The following NEGR1 variants were observed in gnomAD, a reference collection of about 807,000 sequenced individuals.
NEGR1 encodes neuronal growth regulator 1, also known as IgLON family member 4.
A neutral mutation model predicts 40.9 loss-of-function variants in NEGR1; 10 were observed. The ratio of observed to expected loss-of-function variants is 0.24; its 90% CI spans 0.15 to 0.42. NEGR1 has a LOEUF of 0.42. Among genes scored for constraint, NEGR1 ranks in the 10% least tolerant of loss-of-function variants. NEGR1 has a pLI of 1.00. For missense variants in NEGR1, 352 were observed against 438.9 expected (o/e 0.80, Z 1.77); for synonymous variants, 185 against 166.8 (o/e 1.11, Z -0.84).
At chr1:71,847,003 C>T (rs1290849103) in intron 2 of NEGR1, among the ~76,000 whole-genome samples, 1 of 152,172 alleles carries the variant, frequency 6.6e-6, no homozygotes, top group Admixed American at 6.5e-5. Flanking sequence ...ATGTTTTCTT[C>T]TCCCACAGTA....
intron 1 of NEGR1, among the ~76,000 whole-genome samples, chr1:72,148,097 C>T (rs1337421343): frequency 6.6e-6 from 1 of 152,026 alleles, no homozygotes; most frequent in Non-Finnish European, 1.5e-5. Context: ...GGCTGTACCA[C>T]AGTAGAGACT....
chr1:72,140,124 GA>G (rs1215519545), intron 1 of NEGR1, among the ~76,000 whole-genome samples: 1 of 152,050 alleles, frequency 6.6e-6, no homozygotes, highest in Non-Finnish European at 1.5e-5. Context: ...GAAACTGGTT[GA>G]AGAGGCTGGA....
chr1:72,096,295 T>A (rs1648694119), intron 1 of NEGR1, among the ~76,000 whole-genome samples: 1 of 152,160 alleles, frequency 6.6e-6, no homozygotes, highest in Non-Finnish European at 1.5e-5. Context: ...AAACCAAAAT[T>A]TGCGCAGAGA....
intron 6 of NEGR1, among the ~76,000 whole-genome samples, chr1:71,544,656 T>G (rs928316683): frequency 6.6e-6 from 1 of 151,698 alleles, no homozygotes; most frequent in Non-Finnish European, 1.5e-5. Context: ...TATATACACT[T>G]TAAGTATTAG....
intron 1 of NEGR1, among the ~76,000 whole-genome samples, chr1:72,170,670 A>C (rs12072319): frequency 3.2e-4 from 49 of 152,326 alleles, no homozygotes; most frequent in African/African-American, 1.2e-3. Context: ...TAGCTGAAAC[A>C]ACCAAGTTTG....
At chr1:71,483,856 A>G (rs1157638182) in intron 6 of NEGR1, among the ~76,000 whole-genome samples, 1 of 151,834 alleles carries the variant, frequency 6.6e-6, no homozygotes, top group Non-Finnish European at 1.5e-5. Flanking sequence ...AGCATTTAAC[A>G]GTAATTTCTA....
chr1:72,017,529 A>C (rs2100414256), intron 1 of NEGR1, among the ~76,000 whole-genome samples: 1 of 152,194 alleles, frequency 6.6e-6, no homozygotes, highest in African/African-American at 2.4e-5. Context: ...GTTTGTACAA[A>C]ACTCAAATGA....
intron 3 of NEGR1, among the ~76,000 whole-genome samples, chr1:71,732,212 G>A (rs1259615136): frequency 6.6e-6 from 1 of 152,066 alleles, no homozygotes; most frequent in Admixed American, 6.6e-5. Context: ...GAGGACTGAG[G>A]TGGGAGAATC....
chr1:71,688,406 G>GAT (rs376293699), intron 4 of NEGR1, among the ~76,000 whole-genome samples: 4 of 4,232 alleles, frequency 9.5e-4, no homozygotes, highest in Non-Finnish European at 1.7e-3. Flanking sequence ...ATATATATAA[G>GAT]ATATATATAA....
intron 1 of NEGR1, chr1:72,274,947 G>A (rs575111718): frequency 9.7e-5 from 149 of 1,530,776 alleles, no homozygotes; most frequent in South Asian, 2.1e-4. Context: ...TCTCCTTTGC[G>A]CACGATGTAG....
At chr1:72,270,716 C>T (rs142513337) in intron 1 of NEGR1, among the ~76,000 whole-genome samples, 112 of 151,942 alleles carry the variant, frequency 7.4e-4, no homozygotes, top group Non-Finnish European at 1.5e-3. Context: ...CTTATGTCCT[C>T]AATGTTTCAT....
intron 1 of NEGR1, among the ~76,000 whole-genome samples, chr1:72,088,256 G>T (rs553864722): frequency 1.3e-5 from 2 of 152,186 alleles, no homozygotes; most frequent in Admixed American, 1.3e-4. Context: ...TTGTTAGAAA[G>T]GCAAAGTGTC....
chr1:71,418,314 A>ATT (rs1409461197), intron 6 of NEGR1, among the ~76,000 whole-genome samples: 1 of 151,004 alleles, frequency 6.6e-6, no homozygotes, highest in Admixed American at 6.6e-5. Flanking sequence ...TTATTTATTT[A>ATT]TTATATATAT....
At chr1:72,189,209 G>A (rs559805534) in intron 1 of NEGR1, among the ~76,000 whole-genome samples, 1 of 151,340 alleles carries the variant, frequency 6.6e-6, no homozygotes, top group Non-Finnish European at 1.5e-5. Flanking sequence ...TTTGAGCTAT[G>A]TACTCATTCT....
At chr1:71,593,859 AT>A (rs1462444376) in intron 5 of NEGR1, among the ~76,000 whole-genome samples, 1 of 151,944 alleles carries the variant, frequency 6.6e-6, no homozygotes, top group East Asian at 1.9e-4. Context: ...TCTTTTTCTA[AT>A]TTATCTTAAA....
intron 2 of NEGR1, among the ~76,000 whole-genome samples, chr1:71,880,134 A>C (rs965953186): frequency 6.6e-6 from 1 of 152,044 alleles, no homozygotes; most frequent in African/African-American, 2.4e-5. Flanking sequence ...TAATGGAGAG[A>C]TATTTAAGGC....
chr1:71,559,930 C>A (rs1648390184), intron 6 of NEGR1, among the ~76,000 whole-genome samples: 2 of 151,444 alleles, frequency 1.3e-5, no homozygotes, highest in Admixed American at 6.6e-5. Context: ...GCTTTTTCAA[C>A]CTTACTTTCT....
Position 71,934,026 on chromosome 1 carries a change from A to G in NEGR1, c.409+1053T>C, listed in dbSNP as rs1270912342. Among the ~76,000 whole-genome samples, 3 of 152,088 alleles carry G rather than the reference A, an allele frequency of 2.0e-5. No individual in the cohort carries two copies. The East Asian group carries it at 5.8e-4, about 29-fold the overall frequency. ...TTGACTTATTGAAGGGTAAACTCAA[A>G]GAGAGTACAGCTGACTTTCTCACTC... is the stretch of plus-strand genomic sequence containing the variant. On this transcript the variant is annotated intron_variant, in intron 2 of 6. Transcript: ENST00000357731.
intron 6 of NEGR1, among the ~76,000 whole-genome samples, chr1:71,566,113 CCTTGG>C (rs1379987953): frequency 2.0e-5 from 3 of 151,928 alleles, no homozygotes; most frequent in Non-Finnish European, 2.9e-5. Context: ...CCTGCCAAAA[CCTTGG>C]TTTTGGATTT....
Sources: gnomAD v4.1 joint callset for allele counts (sites outside exome capture counted in the v4.1 genomes callset) on GRCh38, gnomAD v4.1.1 for gene constraint, MANE v1.5 for transcripts, NCBI Gene and HGNC (gene_info 2026-07-23, HGNC 2026-07-21) for gene names.